The following GPC6 variants were observed in gnomAD, a reference collection of about 807,000 sequenced individuals.
The protein encoded by GPC6 is glypican-6.
GPC6 carries 14 observed loss-of-function variants against 55.2 expected under a neutral mutation model. The observed-to-expected ratio is 0.25, with a 90% CI of 0.17 to 0.40. The LOEUF (loss-of-function observed/expected upper bound fraction) is 0.40, where lower values mean the gene tolerates loss of function less well. GPC6 is among the 10% of genes least tolerant of loss of function. GPC6 has a pLI of 1.00. For synonymous variants in GPC6, 278 were observed against 259.6 expected (o/e 1.07, Z -0.68); for missense variants, 641 against 708.5 (o/e 0.90, Z 1.08).
chr13:94,142,803 G>A (rs1887430202), intron 4 of GPC6, among the ~76,000 whole-genome samples: 1 of 151,518 alleles, frequency 6.6e-6, no homozygotes, highest in East Asian at 1.9e-4. Flanking sequence ...GAGATAGAGA[G>A]GAACATTTTG....
At chr13:94,129,686 C>A (rs184835099) in intron 4 of GPC6, among the ~76,000 whole-genome samples, 1 of 152,084 alleles carries the variant, frequency 6.6e-6, no homozygotes, top group Non-Finnish European at 1.5e-5. Flanking sequence ...CTCAACTCTT[C>A]TGTCCCCTGT....
At chr13:93,881,228 C>A (rs1874954899) in intron 3 of GPC6, among the ~76,000 whole-genome samples, 2 of 151,976 alleles carry the variant, frequency 1.3e-5, no homozygotes, top group Admixed American at 1.3e-4. Flanking sequence ...TTCATTTCCC[C>A]AGGTTTTATT....
chr13:94,247,736 G>A (rs2139033729), intron 4 of GPC6, among the ~76,000 whole-genome samples: 1 of 152,184 alleles, frequency 6.6e-6, no homozygotes, highest in Non-Finnish European at 1.5e-5. Flanking sequence ...TTGATGTGCT[G>A]TTGAATTCAA....
At chr13:94,246,216 T>C (rs1053839381) in intron 4 of GPC6, among the ~76,000 whole-genome samples, 8 of 152,150 alleles carry the variant, frequency 5.3e-5, no homozygotes. Context: ...GTTTATATTT[T>C]CTTGTTACTG....
intron 4 of GPC6, among the ~76,000 whole-genome samples, chr13:94,110,527 T>C (rs1011806151): frequency 9.9e-5 from 15 of 152,044 alleles, no homozygotes; most frequent in African/African-American, 3.1e-4. Context: ...CAAAAATTCA[T>C]AAGGGAGTGA....
At chr13:94,063,245 T>A (rs1034037204) in intron 4 of GPC6, among the ~76,000 whole-genome samples, 1 of 152,208 alleles carries the variant, frequency 6.6e-6, no homozygotes, top group African/African-American at 2.4e-5. Flanking sequence ...TCAACAAATG[T>A]AAAACATGCT....
At chr13:94,082,436 G>T (rs1885133748) in intron 4 of GPC6, among the ~76,000 whole-genome samples, 1 of 152,080 alleles carries the variant, frequency 6.6e-6, no homozygotes, top group South Asian at 2.1e-4. Context: ...TTACAAGGTG[G>T]CCAGTTTCCT....
intron 1 of GPC6, among the ~76,000 whole-genome samples, chr13:93,388,972 A>G (rs780907795): frequency 6.6e-6 from 1 of 152,078 alleles, no homozygotes; most frequent in Non-Finnish European, 1.5e-5. Context: ...TTCCTCTTTT[A>G]TTTTAAAGAA....
intron 4 of GPC6, among the ~76,000 whole-genome samples, chr13:94,123,915 A>G (rs1886721594): frequency 1.3e-5 from 2 of 152,092 alleles, no homozygotes; most frequent in Admixed American, 1.3e-4. Flanking sequence ...GAATGTTCTT[A>G]TTATAGATAG....
intron 2 of GPC6, among the ~76,000 whole-genome samples, chr13:93,603,636 G>T (rs981449536): frequency 6.6e-6 from 1 of 152,070 alleles, no homozygotes; most frequent in Non-Finnish European, 1.5e-5. Flanking sequence ...TCTCTCAATT[G>T]GATAAAACTA....
intron 4 of GPC6, among the ~76,000 whole-genome samples, chr13:94,212,335 T>C (rs550195837): frequency 6.6e-6 from 1 of 152,352 alleles, no homozygotes; most frequent in South Asian, 2.1e-4. Context: ...TACTTAACTC[T>C]TTTCTTTGTT....
At chr13:94,290,399 C>T (rs192623730) in intron 5 of GPC6, among the ~76,000 whole-genome samples, 18 of 131,526 alleles carry the variant, frequency 1.4e-4, no homozygotes, top group Non-Finnish European at 2.2e-4. Context: ...CCAACCTGGG[C>T]GACAGGATGA....
At position 94,243,194 on chromosome 13, in the gene GPC6, A is replaced by C. The variant is rs1438062888; in HGVS notation, c.878-43155A>C. ...TTATGCTAACTTGAAAACAAATCACATGTAAAATAAAATTAGAATGACTAA... is the reference window on the plus strand; with the variant it reads ...TTATGCTAACTTGAAAACAAATCACCTGTAAAATAAAATTAGAATGACTAA... On this transcript the variant is annotated intron_variant, in intron 4 of 8. Coordinates refer to ENST00000377047, the MANE Select transcript of GPC6 (RefSeq NM_005708.5). Among the ~76,000 whole-genome samples the C allele has an allele frequency of 1.6e-4, 25 of 152,094 alleles. 1 individual carries two copies. The highest frequency in any genetic ancestry group is 1.6e-3 in the Admixed American group (25 of 15,240).
At chr13:94,053,675 A>G (rs188552727) in intron 4 of GPC6, among the ~76,000 whole-genome samples, 10 of 152,278 alleles carry the variant, frequency 6.6e-5, no homozygotes, top group African/African-American at 2.2e-4. Flanking sequence ...AGCTCATCCC[A>G]TCTATATATG....
chr13:93,816,562 G>T (rs1594481824), intron 2 of GPC6, among the ~76,000 whole-genome samples: 1 of 149,226 alleles, frequency 6.7e-6, no homozygotes, highest in Non-Finnish European at 1.5e-5. Context: ...GATTCTCCAT[G>T]GTAGAATTAT....
intron 6 of GPC6, among the ~76,000 whole-genome samples, chr13:94,320,085 A>G (rs2139128476): frequency 6.6e-6 from 1 of 152,312 alleles, no homozygotes; most frequent in South Asian, 2.1e-4. Flanking sequence ...TAATGTATTT[A>G]GCTGGTAATA....
intron 1 of GPC6, among the ~76,000 whole-genome samples, chr13:93,473,830 G>T (rs1390148431): frequency 6.6e-6 from 1 of 152,192 alleles, no homozygotes; most frequent in East Asian, 1.9e-4. Context: ...GCGACACAGG[G>T]CCGAATCCCA....
At chr13:93,562,304 C>A (rs562688338) in intron 2 of GPC6, among the ~76,000 whole-genome samples, 21 of 152,064 alleles carry the variant, frequency 1.4e-4, no homozygotes, top group Middle Eastern at 3.4e-3. Context: ...AATCTAGATC[C>A]CTTTATGCAA....
At chr13:93,475,732 A>G (rs1313879147) in intron 1 of GPC6, among the ~76,000 whole-genome samples, 1 of 152,248 alleles carries the variant, frequency 6.6e-6, no homozygotes, top group African/African-American at 2.4e-5. Context: ...ATAAAACGCC[A>G]GAAATGCTTT....
Sources: gnomAD v4.1 joint callset for allele counts (sites outside exome capture counted in the v4.1 genomes callset) on GRCh38, gnomAD v4.1.1 for gene constraint, MANE v1.5 for transcripts, NCBI Gene and HGNC (gene_info 2026-07-23, HGNC 2026-07-21) for gene names.